Variants in ZBED1 observed in about 807,000 individuals in gnomAD.
ZBED1 encodes the protein zinc finger BED-type containing 1, also known as E3 SUMO-protein ligase ZBED1.
ZBED1 carries 19 observed loss-of-function variants against 49.7 expected under a neutral mutation model. That is an observed-to-expected ratio of 0.38 (90% CI 0.27 to 0.56). ZBED1 has a LOEUF of 0.56. Among genes scored for constraint, ZBED1 ranks in the 20% least tolerant of loss-of-function variants. The probability of loss-of-function intolerance (pLI) is 0.70; values close to 1 mark genes in which losing one functional copy is unlikely to be tolerated. For synonymous variants in ZBED1, 439 were observed against 440.3 expected (o/e 1.00, Z 0.04); for missense variants, 806 against 972.6 (o/e 0.83, Z 2.28).
In ZBED1 at chrX:2,490,072, G is replaced by A; in HGVS notation, c.648C>T (p.His216=). ...AGTTGGGGGCGCCCAGGCCCAGGAAGTGGGCGGCCAGCGTGACGTAGGCGC... is the reference window on the plus strand; with the variant it reads ...AGTTGGGGGCGCCCAGGCCCAGGAAATGGGCGGCCAGCGTGACGTAGGCGC... ...QNRAYVTLAA[H]FLGLGAPNCL... The change falls in exon 2 of 2, where the codon CAC becomes CAT. Residue 216 remains histidine (H), a synonymous_variant. Coordinates refer to ENST00000652001, the MANE Select transcript of ZBED1 (RefSeq NM_001171136.2). The A allele has an allele frequency of 6.2e-7, 1 of 1,613,778 alleles. No individual in the cohort carries two copies.
intron 1 of ZBED1, among the ~76,000 whole-genome samples, chrX:2,498,340 C>T (rs1474561840): frequency 2.6e-5 from 4 of 152,230 alleles, no homozygotes; most frequent in South Asian, 4.1e-4. Flanking sequence ...AATGTTTCCT[C>T]ACCAACAGCG....
chrX:2,500,326 G>A, intron 1 of ZBED1: 1 of 189,090 alleles, frequency 5.3e-6, no homozygotes, highest in South Asian at 1.2e-4. Context: ...GGTGGGTAGG[G>A]GTCGAGGTCC....
rs1418063823 is a variant in ZBED1 at position 2,490,426 on chromosome X, C to T, written c.294G>A (p.Lys98=). 6.2e-7 allele frequency: 1 copy of T among 1,613,960 alleles called. No homozygotes were observed. Among genetic ancestry groups the T allele is most frequent in the Non-Finnish European group, 8.5e-7 (1 of 1,179,860 alleles). Reference sequence around the variant, plus strand: ...GCCCGGGCTGCTGGGACGACTCGGGCTTCAGCTTGGAGAAGGCGGTGGCGA... The same window carrying T: ...GCCCGGGCTGCTGGGACGACTCGGGTTTCAGCTTGGAGAAGGCGGTGGCGA... ...EAFATAFSKL[K]PESSQQPGQD... is the part of the protein sequence containing the mutation. The change falls in exon 2 of 2, where the codon AAG becomes AAA. Residue 98 remains lysine (K), a synonymous_variant. Coordinates refer to ENST00000652001, the MANE Select transcript of ZBED1 (RefSeq NM_001171136.2).
rs2044998550 is a variant in ZBED1 at position 2,488,185 on chromosome X, CTTCTT to C, written c.*445_*449del. 1 of 158,560 alleles carries C rather than the reference CTTCTT, an allele frequency of 6.3e-6. No homozygotes were observed. Among genetic ancestry groups the C allele is most frequent in the Admixed American group, 6.5e-5 (1 of 15,416 alleles). 9.8% of individuals were successfully genotyped at this position (158,560 alleles called of 1,614,324 possible). ...CCACTCAAAGCCACCTCTCTTGTGT[CTTCTT>C]TTTTCTTTTTGAGAGAGTCTCGCTC... On this transcript the variant is annotated 3_prime_UTR_variant, in exon 2 of 2. Transcript: ENST00000652001.
At chrX:2,490,897 G>A in intron 1 of ZBED1, 125 bp from the exon 2 acceptor site, 1 of 807,236 alleles carries the variant, frequency 1.2e-6, no homozygotes, top group Non-Finnish European at 2.0e-6. Flanking sequence ...GGGCCGGACG[G>A]CTGGACCTTC....
rs375919589 is a variant in ZBED1 at position 2,489,669 on chromosome X, C to G, written c.1051G>C (p.Val351Leu). ...GCCAGCGTGCTCCCCCACCAGGAGA[C>G]GCGGTTGCTCACCAGCATGCAGTGG... ...VAHCMLVSNR[V>L]SWWGSTLAML... The change falls in exon 2 of 2, where the codon GTC (valine) becomes CTC (leucine). Residue 351 changes from valine to leucine, a missense_variant. Val to Leu is a conservative substitution (Grantham distance 32). Coordinates refer to ENST00000652001, the MANE Select transcript of ZBED1 (RefSeq NM_001171136.2). The G allele has an allele frequency of 6.2e-7, 1 of 1,612,298 alleles. No homozygotes were observed. Among genetic ancestry groups the G allele is most frequent in the East Asian group, 2.2e-5 (1 of 44,880 alleles).
Position 2,489,275 on chromosome X carries a change from A to G in ZBED1, c.1445T>C (p.Leu482Pro), listed in dbSNP as rs1287173457. 1 of 1,613,962 alleles carries G rather than the reference A, an allele frequency of 6.2e-7. No individual in the cohort carries two copies. The highest frequency in any genetic ancestry group is 8.5e-7 in the Non-Finnish European group (1 of 1,179,852). Reference protein sequence around the residue: ...ATFLDPRYKRLPFLSAFERQQ... With the variant: ...ATFLDPRYKRPPFLSAFERQQ... ...CCGCTCGAAGGCGGAGAGGAAGGGCAGCCTCTTGTAGCGGGGGTCCAGGAA... is the reference window on the plus strand; with the variant it reads ...CCGCTCGAAGGCGGAGAGGAAGGGCGGCCTCTTGTAGCGGGGGTCCAGGAA... The change falls in exon 2 of 2, where the codon CTG (leucine) becomes CCG (proline). Residue 482 changes from leucine (L) to proline (P), a missense_variant. This residue lies in a region of ZBED1 where 749 missense variants were observed against 861.3 expected (regional missense o/e 0.87). Coordinates refer to ENST00000652001, the MANE Select transcript of ZBED1 (RefSeq NM_001171136.2).
At position 2,488,129 on chromosome X, in the gene ZBED1, C is replaced by A. The variant is rs3203783; in HGVS notation, c.*506G>T. 31,436 of 152,674 alleles carry A rather than the reference C, an allele frequency of 0.21. 3,882 individuals are homozygous for A. Among genetic ancestry groups the A allele is most frequent in the East Asian group, 0.63 (3,197 of 5,072 alleles). The allele number at this position is 152,674 out of a possible 1,614,324, so 9.5% of individuals were successfully genotyped here. The stretch of plus-strand genomic sequence containing the variant: ...TGGCAGTTCCCAAGCAGAAGTCGTC[C>A]GGGCCCCGGGAATAGGGGAGGAAAG... On this transcript the variant is annotated 3_prime_UTR_variant, in exon 2 of 2. Coordinates refer to ENST00000652001, the MANE Select transcript of ZBED1 (RefSeq NM_001171136.2).
chrX:2,499,352 C>A (rs2045356234), intron 1 of ZBED1, among the ~76,000 whole-genome samples: 1 of 151,634 alleles, frequency 6.6e-6, no homozygotes, highest in Admixed American at 6.6e-5. Flanking sequence ...ACCACACTGA[C>A]CCTCTGAACG....
intron 1 of ZBED1, among the ~76,000 whole-genome samples, chrX:2,498,908 T>C (rs2045346688): frequency 6.6e-6 from 1 of 152,220 alleles, no homozygotes; most frequent in African/African-American, 2.4e-5. Flanking sequence ...TCCGAAAGCC[T>C]GACTACAGTT....
At chrX:2,496,098 C>T (rs1236107290) in intron 1 of ZBED1, among the ~76,000 whole-genome samples, 1 of 152,188 alleles carries the variant, frequency 6.6e-6, no homozygotes, top group Non-Finnish European at 1.5e-5. Flanking sequence ...CAGGAGGAAT[C>T]CGTTTCAGTG....
chrX:2,488,291 C>A lies in ZBED1; in HGVS notation c.*344G>T, dbSNP rs1170929180. The A allele has an allele frequency of 1.9e-5, 5 of 257,646 alleles. No homozygotes were observed. The highest frequency in any genetic ancestry group is 3.6e-5 in the Non-Finnish European group (5 of 137,810). The allele number at this position is 257,646 out of a possible 1,614,324, so 16.0% of individuals were successfully genotyped here. A position where few individuals can be genotyped will look rare whatever the true frequency, so the allele number is the denominator to read the frequency against. ...TCCCAGGTTCAAGCGATTCTCTGGCCTCAGCCTCCAGAAGCTGGGATTACA... is the reference window on the plus strand; with the variant it reads ...TCCCAGGTTCAAGCGATTCTCTGGCATCAGCCTCCAGAAGCTGGGATTACA... On this transcript the variant is annotated 3_prime_UTR_variant, in exon 2 of 2. Coordinates refer to ENST00000652001, the MANE Select transcript of ZBED1 (RefSeq NM_001171136.2).
In ZBED1 at chrX:2,488,766, G is replaced by A. The variant is rs760353059; in HGVS notation, c.1954C>T (p.Arg652Trp). 1.1e-5 allele frequency: 17 copies of A among 1,613,758 alleles called. No homozygotes were observed. The highest frequency in any genetic ancestry group is 4.4e-5 in the South Asian group (4 of 91,070). Reference sequence around the variant, plus strand: ...TCGGGTTCCGCCTCTGCCCCACTCCGGGCGTTCTCATACAGAAACACCTGC... The same window carrying A: ...TCGGGTTCCGCCTCTGCCCCACTCCAGGCGTTCTCATACAGAAACACCTGC... ...DEQVFLYENA[R>W]SGAEAEPEDQ... The change falls in exon 2 of 2, where the codon CGG becomes TGG. Residue 652 changes from arginine (R) to tryptophan (W), a missense_variant. By Grantham distance (101) the Arg-to-Trp change is moderately radical. Coordinates refer to ENST00000652001, the MANE Select transcript of ZBED1 (RefSeq NM_001171136.2).
At chrX:2,491,447 T>C (rs5939179) in intron 1 of ZBED1, among the ~76,000 whole-genome samples, 150,847 of 152,288 alleles carry the variant, frequency 0.99, 74,710 homozygotes, top group Middle Eastern at 1. Context: ...GTGGGAAAGC[T>C]GCGTAGATCT....
intron 1 of ZBED1, among the ~76,000 whole-genome samples, chrX:2,492,459 T>C (rs997769680): frequency 1.1e-4 from 16 of 147,784 alleles, no homozygotes; most frequent in African/African-American, 3.5e-4. Flanking sequence ...TCATGGTGGA[T>C]TGAACAGTGG....
Position 2,488,511 on chromosome X carries a change from T to G in ZBED1, c.*124A>C. 1 of 1,265,392 alleles carries G rather than the reference T, an allele frequency of 7.9e-7. No individual in the cohort carries two copies. The allele number at this position is 1,265,392 out of a possible 1,614,324, so 78.4% of individuals were successfully genotyped here. A position where few individuals can be genotyped will look rare whatever the true frequency, so the allele number is the denominator to read the frequency against. On this transcript the variant is annotated 3_prime_UTR_variant, in exon 2 of 2. Transcript: ENST00000652001. ...CTCAAATCTCTTTCCTTTTTCCACC[T>G]TCTAGGTGTCAAAGACAGTGGATGG...
chrX:2,497,111 G>A (rs2045304912), intron 1 of ZBED1, among the ~76,000 whole-genome samples: 1 of 152,056 alleles, frequency 6.6e-6, no homozygotes, highest in South Asian at 2.1e-4. Context: ...TCAAGGAATT[G>A]GAGGCCGGGG....
chrX:2,487,716 A>G lies in ZBED1; in HGVS notation c.*919T>C, dbSNP rs1183769242. On this transcript the variant is annotated 3_prime_UTR_variant, in exon 2 of 2. Coordinates refer to ENST00000652001, the MANE Select transcript of ZBED1 (RefSeq NM_001171136.2). The stretch of plus-strand genomic sequence containing the variant: ...TCTGGCAGCAACCTGTCGAAAATAC[A>G]ACACATTCCACACTTTTTTTTCTGT... 2.0e-5 allele frequency: 3 copies of G among 152,156 alleles called. No individual in the cohort carries two copies. The highest frequency in any genetic ancestry group is 7.2e-5 in the African/African-American group (3 of 41,422). The allele number at this position is 152,156 out of a possible 1,614,324, so 9.4% of individuals were successfully genotyped here.
At chrX:2,494,628 A>G (rs1182883763) in intron 1 of ZBED1, among the ~76,000 whole-genome samples, 1 of 151,836 alleles carries the variant, frequency 6.6e-6, no homozygotes, top group African/African-American at 2.4e-5. Context: ...ATGTTCTATT[A>G]TTATCATTAT....
Sources: allele counts gnomAD v4.1 joint callset (sites outside exome capture counted in the v4.1 genomes callset), GRCh38; gene constraint gnomAD v4.1.1; regional missense constraint gnomAD v4.1.1; transcripts MANE v1.5; gene names NCBI Gene and HGNC (gene_info 2026-07-23, HGNC 2026-07-21).